The following RNF217 variants were observed in gnomAD, a reference collection of about 807,000 sequenced individuals.
The protein encoded by RNF217 is ring finger protein 217, also known as E3 ubiquitin-protein ligase RNF217.
A neutral mutation model predicts 57.8 loss-of-function variants in RNF217; 31 were observed. The observed-to-expected ratio is 0.54, with a 90% CI of 0.40 to 0.72. RNF217 has a LOEUF of 0.72. RNF217 is among the 30% of genes least tolerant of loss of function. RNF217 has a pLI of 0.00. For missense variants in RNF217, 696 were observed against 708.3 expected (o/e 0.98, Z 0.20); for synonymous variants, 313 against 294.0 (o/e 1.06, Z -0.66).
intron 1 of RNF217, among the ~76,000 whole-genome samples, chr6:125,036,879 T>TTATTTATTA (rs1158691331): frequency 6.7e-6 from 1 of 148,638 alleles, no homozygotes; most frequent in African/African-American, 2.4e-5. Flanking sequence ...TTATTATTTA[T>TTATTTATTA]TATTTATTAT....
intron 2 of RNF217, among the ~76,000 whole-genome samples, chr6:125,047,305 T>C (rs1787134584): frequency 6.6e-6 from 1 of 152,100 alleles, no homozygotes; most frequent in African/African-American, 2.4e-5. Context: ...GGAGTTATAA[T>C]TTAAGTCACA....
intron 3 of RNF217, among the ~76,000 whole-genome samples, chr6:125,063,120 G>A (rs547970615): frequency 6.6e-6 from 1 of 152,172 alleles, no homozygotes; most frequent in African/African-American, 2.4e-5. Flanking sequence ...AAATTTTGTT[G>A]GAGGTATCAG....
chr6:124,968,483 A>G (rs1783636048), intron 1 of RNF217, among the ~76,000 whole-genome samples: 1 of 151,744 alleles, frequency 6.6e-6, no homozygotes, highest in Non-Finnish European at 1.5e-5. Context: ...TACTTTTTGA[A>G]ATCTGATTTT....
chr6:125,074,439 A>G (rs556250542), intron 3 of RNF217, among the ~76,000 whole-genome samples: 2 of 152,300 alleles, frequency 1.3e-5, no homozygotes, highest in Non-Finnish European at 2.9e-5. Flanking sequence ...TTAGTTCACA[A>G]GCAGCCTCAT....
At chr6:124,965,957 T>C (rs1783522666) in intron 1 of RNF217, among the ~76,000 whole-genome samples, 1 of 152,214 alleles carries the variant, frequency 6.6e-6, no homozygotes, top group Admixed American at 6.5e-5. Flanking sequence ...ATATAACAGA[T>C]GGGCAACTAA....
chr6:124,964,662 A>G (rs1486797787), intron 1 of RNF217, among the ~76,000 whole-genome samples: 1 of 152,190 alleles, frequency 6.6e-6, no homozygotes, highest in Non-Finnish European at 1.5e-5. Context: ...AAGTTGGCTA[A>G]AATAGTTGGG....
At position 124,962,786 on chromosome 6, in the gene RNF217, G is replaced by T. The variant is rs13197518; in HGVS notation, c.242G>T (p.Ser81Ile). Residue 81 changes from serine (S) to isoleucine (I), a missense_variant, in exon 1 of 6, where the codon AGC becomes ATC. Transcript: ENST00000521654. This position sits in a 1 kb window ranked among gnomAD's most constrained non-coding sequence, Gnocchi z 4.6. ...CTGGGGCCCCCGGGCTGGAGTAAGA[G>T]CCGAGCACCGGCGCAGCCTGCGGGA... ...RSLGPPGWSK[S>I]RAPAQPAGLA... 5 of 1,596,876 alleles carry T rather than the reference G, an allele frequency of 3.1e-6. No individual in the cohort carries two copies. Among genetic ancestry groups the T allele is most frequent in the Non-Finnish European group, 2.5e-6 (3 of 1,179,464 alleles).
chr6:125,016,128 A>G (rs936300483), intron 1 of RNF217, among the ~76,000 whole-genome samples: 14 of 152,190 alleles, frequency 9.2e-5, no homozygotes, highest in African/African-American at 3.4e-4. Context: ...AGAGACTTCA[A>G]TAAATGGATA....
chr6:125,009,926 T>C (rs947403798), intron 1 of RNF217, among the ~76,000 whole-genome samples: 1 of 152,070 alleles, frequency 6.6e-6, no homozygotes, highest in Non-Finnish European at 1.5e-5. Flanking sequence ...AGTTTTTTGG[T>C]TCATGCTTGT....
rs1185076885 is a variant in RNF217, at chr6:125,092,413, T to G, written c.*9476T>G. ...ATAAAAAATTATTTTCGGTTGGTTGTTGTAGAATGGAAGAGTAATCTTAAT... is the reference window on the plus strand; with the variant it reads ...ATAAAAAATTATTTTCGGTTGGTTGGTGTAGAATGGAAGAGTAATCTTAAT... On this transcript the variant is annotated 3_prime_UTR_variant, in exon 6 of 6. Coordinates refer to ENST00000521654, the MANE Select transcript of RNF217 (RefSeq NM_001286398.3). 6.6e-6 allele frequency: 1 copy of G among 152,200 alleles called. No individual in the cohort carries two copies. The highest frequency in any genetic ancestry group is 2.4e-5 in the African/African-American group (1 of 41,460). The allele number at this position is 152,200 out of a possible 1,614,324, so 9.4% of individuals were successfully genotyped here. A position where few individuals can be genotyped will look rare whatever the true frequency, so the allele number is the denominator to read the frequency against.
rs761865487 is a variant in RNF217, at chr6:124,962,737, A to C, written c.193A>C (p.Ser65Arg). 2 of 1,573,020 alleles carry C rather than the reference A, an allele frequency of 1.3e-6. No individual in the cohort carries two copies. The highest frequency in any genetic ancestry group is 1.7e-6 in the Non-Finnish European group (2 of 1,169,248). The change falls in exon 1 of 6, where the codon AGC (serine) becomes CGC (arginine). Residue 65 changes from serine (S) to arginine (R), a missense_variant. Transcript: ENST00000521654. The surrounding 1 kb of genome is among the most constrained non-coding windows in gnomAD (Gnocchi z 4.6). ...CGSDWGCADT[S>R]APEPARSLGP... Reference sequence around the variant, plus strand: ...AAGCGACTGGGGCTGCGCGGACACCAGCGCCCCAGAGCCCGCGAGGAGCCT... The same window carrying C: ...AAGCGACTGGGGCTGCGCGGACACCCGCGCCCCAGAGCCCGCGAGGAGCCT...
At chr6:124,985,630 A>C (rs1420571209) in intron 1 of RNF217, among the ~76,000 whole-genome samples, 1 of 152,194 alleles carries the variant, frequency 6.6e-6, no homozygotes, top group East Asian at 1.9e-4. Context: ...AAGTTTCAGA[A>C]TTAAAGCAGT....
chr6:124,994,079 G>A (rs959337711), intron 1 of RNF217, among the ~76,000 whole-genome samples: 2 of 151,646 alleles, frequency 1.3e-5, no homozygotes, highest in Non-Finnish European at 2.9e-5. Flanking sequence ...GGAAGGAAGA[G>A]GAAAAAGCAA....
intron 1 of RNF217, among the ~76,000 whole-genome samples, chr6:124,971,812 T>C (rs1783773605): frequency 1.3e-5 from 2 of 152,254 alleles, no homozygotes; most frequent in Non-Finnish European, 2.9e-5. Context: ...AAGTTTCTGG[T>C]CATTCCTTTT....
In RNF217 at chr6:125,090,071, A is replaced by C. The variant is rs541194561; in HGVS notation, c.*7134A>C. 1.3e-5 allele frequency: 2 copies of C among 152,172 alleles called. No homozygotes were observed. The highest frequency in any genetic ancestry group is 3.9e-4 in the East Asian group (2 of 5,182). The allele number at this position is 152,172 out of a possible 1,614,324, so 9.4% of individuals were successfully genotyped here. A position where few individuals can be genotyped will look rare whatever the true frequency, so the allele number is the denominator to read the frequency against. Reference sequence around the variant, plus strand: ...TCATATGGCAACTCCTCAATAGCTTACTTTTATTATTTGATCATTTTCATC... The same window carrying C: ...TCATATGGCAACTCCTCAATAGCTTCCTTTTATTATTTGATCATTTTCATC... On this transcript the variant is annotated 3_prime_UTR_variant, in exon 6 of 6. Coordinates refer to ENST00000521654, the MANE Select transcript of RNF217 (RefSeq NM_001286398.3).
intron 1 of RNF217, among the ~76,000 whole-genome samples, chr6:125,003,820 C>G (rs766198327): frequency 9.2e-5 from 14 of 151,992 alleles, no homozygotes; most frequent in Non-Finnish European, 5.9e-5. Context: ...AAGCTCATAG[C>G]TTCTTATATG....
intron 1 of RNF217, among the ~76,000 whole-genome samples, chr6:124,987,757 G>T (rs1191736772): frequency 2.0e-5 from 3 of 152,042 alleles, no homozygotes; most frequent in South Asian, 4.2e-4. Flanking sequence ...ACTATACCTT[G>T]CCTGGCTCTT....
In RNF217 at chr6:124,962,593, T is replaced by C; in HGVS notation, c.49T>C (p.Ser17Pro). The stretch of plus-strand genomic sequence containing the variant: ...GAGCGGCGGCGGCGGGCCCCAGGAG[T>C]CGCAGACCCTGGCCAGTGGCACTGC... Reference protein sequence around the residue: ...TVSGGGGPQESQTLASGTAGH... With the variant: ...TVSGGGGPQEPQTLASGTAGH... Residue 17 changes from serine (S) to proline (P), a missense_variant, in exon 1 of 6, where the codon TCG becomes CCG. By Grantham distance (74) the Ser-to-Pro change is moderately conservative. This residue lies in a region of RNF217 where 465 missense variants were observed against 386.8 expected (regional missense o/e 1.20). Transcript: ENST00000521654. The surrounding 1 kb of genome is among the most constrained non-coding windows in gnomAD (Gnocchi z 4.6). 7.8e-7 allele frequency: 1 copy of C among 1,286,260 alleles called. No individual in the cohort carries two copies. The highest frequency in any genetic ancestry group is 9.8e-7 in the Non-Finnish European group (1 of 1,023,366). 79.7% of individuals were successfully genotyped at this position (1,286,260 alleles called of 1,614,324 possible).
chr6:124,972,565 T>G (rs1302786385), intron 1 of RNF217, among the ~76,000 whole-genome samples: 6 of 152,224 alleles, frequency 3.9e-5, no homozygotes, highest in Non-Finnish European at 5.9e-5. Context: ...GTCTGAGCTT[T>G]CTTTCTCAAC....
Sources: allele counts gnomAD v4.1 joint callset (sites outside exome capture counted in the v4.1 genomes callset), GRCh38; gene constraint gnomAD v4.1.1; regional missense constraint gnomAD v4.1.1; non-coding constraint Gnocchi (gnomAD v3.1); transcripts MANE v1.5; gene names NCBI Gene and HGNC (gene_info 2026-07-23, HGNC 2026-07-21).